Variants in WWOX observed in about 807,000 individuals in gnomAD.
WWOX encodes WW domain-containing oxidoreductase.
A neutral mutation model predicts 46.2 loss-of-function variants in WWOX; 69 were observed. That is an observed-to-expected ratio of 1.49 (90% confidence interval 1.23 to 1.82). The LOEUF (loss-of-function observed/expected upper bound fraction) is 1.82, where lower values mean the gene tolerates loss of function less well. Among genes scored for constraint, WWOX ranks in the 40% most tolerant of loss-of-function variants. The pLI is 0.00. For missense variants in WWOX, 919 were observed against 542.6 expected (o/e 1.69, Z -6.89); for synonymous variants, 359 against 202.6 (o/e 1.77, Z -6.56).
chr16:78,840,376 C>T (rs146015360), intron 8 of WWOX, among the ~76,000 whole-genome samples: 73 of 152,232 alleles, frequency 4.8e-4, no homozygotes, highest in African/African-American at 1.7e-3. Flanking sequence ...GGCCACTGTA[C>T]GTCTGTGGTT....
chr16:78,621,855 T>C (rs1051477064), intron 8 of WWOX, among the ~76,000 whole-genome samples: 2 of 152,066 alleles, frequency 1.3e-5, no homozygotes, highest in African/African-American at 4.8e-5. Flanking sequence ...TCTGCCTACC[T>C]TAGCCTCCCA....
intron 8 of WWOX, among the ~76,000 whole-genome samples, chr16:79,096,850 T>C (rs2049084775): frequency 6.6e-6 from 1 of 151,922 alleles, no homozygotes; most frequent in Non-Finnish European, 1.5e-5. Context: ...AAGAAGGAGC[T>C]TGAAGCCGAG....
chr16:78,138,291 G>C (rs1022117426), intron 4 of WWOX, among the ~76,000 whole-genome samples: 1 of 150,780 alleles, frequency 6.6e-6, no homozygotes, highest in Non-Finnish European at 1.5e-5. Context: ...TTATTTCTCA[G>C]ATTAAGAGCC....
At chr16:78,630,072 T>G (rs2151657441) in intron 8 of WWOX, among the ~76,000 whole-genome samples, 1 of 152,282 alleles carries the variant, frequency 6.6e-6, no homozygotes, top group Middle Eastern at 3.4e-3. Context: ...GGGCAGGGAT[T>G]TTAGTCTATT....
chr16:78,913,238 G>T (rs1597141900), intron 8 of WWOX, among the ~76,000 whole-genome samples: 2 of 151,898 alleles, frequency 1.3e-5, no homozygotes, highest in African/African-American at 4.8e-5. Flanking sequence ...TTACAAGTTT[G>T]CCTAGTGCTT....
chr16:78,946,832 C>G (rs1479290498), intron 8 of WWOX, among the ~76,000 whole-genome samples: 2 of 152,068 alleles, frequency 1.3e-5, no homozygotes, highest in African/African-American at 4.8e-5. Flanking sequence ...GTAGCAAGGA[C>G]AAGAGGGCGT....
chr16:79,185,185 T>C (rs2050988510), intron 8 of WWOX, among the ~76,000 whole-genome samples: 2 of 152,188 alleles, frequency 1.3e-5, no homozygotes, highest in Non-Finnish European at 2.9e-5. Context: ...GTTTTTCTTT[T>C]CTCCTAGTTT....
rs1188729202 is a variant in WWOX, at chr16:78,245,914, A to G, written c.516+81625A>G. On this transcript the variant is annotated intron_variant, in intron 5 of 8. Transcript: ENST00000566780. ...CTCCATTCCAGAAAGGAGAACAAAG[A>G]GGGGGAATTCTAACCCTCTTGCCAC... 3.3e-5 allele frequency among the ~76,000 whole-genome samples: 5 copies of G among 152,190 alleles called. No individual in the cohort carries two copies. In the East Asian group the frequency reaches 7.7e-4, roughly 23 times the overall value.
At chr16:78,483,279 C>A (rs2084541914) in intron 8 of WWOX, among the ~76,000 whole-genome samples, 1 of 152,114 alleles carries the variant, frequency 6.6e-6, no homozygotes, top group African/African-American at 2.4e-5. Context: ...AAGAAAGTTG[C>A]ATGTCACTTT....
chr16:78,240,712 A>G, intron 5 of WWOX, among the ~76,000 whole-genome samples: 1 of 152,118 alleles, frequency 6.6e-6, no homozygotes, highest in African/African-American at 2.4e-5. Context: ...GTCTCGTGTT[A>G]TGCATTTGCT....
At chr16:79,110,734 G>A (rs1039642707) in intron 8 of WWOX, 1 of 152,342 alleles carries the variant, frequency 6.6e-6, no homozygotes, top group African/African-American at 2.4e-5. Context: ...AATATGGGAT[G>A]TTTTGCTTCG....
intron 8 of WWOX, among the ~76,000 whole-genome samples, chr16:79,180,233 C>G (rs556118605): frequency 3.3e-5 from 5 of 152,120 alleles, no homozygotes; most frequent in Non-Finnish European, 7.4e-5. Context: ...AATTTATAGG[C>G]TGACATTTTC....
rs747028973 is a variant in WWOX, at chr16:78,340,470, A to G, written c.517-46390A>G. Among the ~76,000 whole-genome samples the G allele has an allele frequency of 1.0e-4, 12 of 120,246 alleles. 4 individuals are homozygous for G. Among genetic ancestry groups the G allele is most frequent in the Non-Finnish European group, 1.8e-4 (9 of 50,326 alleles). The allele number at this position is 120,246 out of a possible 152,430, so 78.9% of individuals were successfully genotyped here. On this transcript the variant is annotated intron_variant, in intron 5 of 8. Transcript: ENST00000566780. The stretch of plus-strand genomic sequence containing the variant: ...GTGATCTGCCCATCTCAGCCTCCCA[A>G]TGTGCTAGGATTACAGGCATGAACC...
chr16:78,354,422 C>A (rs1396967307), intron 5 of WWOX, among the ~76,000 whole-genome samples: 1 of 147,832 alleles, frequency 6.8e-6, no homozygotes, highest in Non-Finnish European at 1.5e-5. Flanking sequence ...TTAATTAATG[C>A]CAATGAAGCC....
At chr16:78,485,605 C>T (rs1216249905) in intron 8 of WWOX, among the ~76,000 whole-genome samples, 3 of 152,172 alleles carry the variant, frequency 2.0e-5, no homozygotes, top group African/African-American at 7.2e-5. Context: ...TGTCTCACAG[C>T]ACGCATTTGT....
chr16:78,355,236 C>CTG (rs36043809), intron 5 of WWOX, among the ~76,000 whole-genome samples: 22,947 of 151,518 alleles, frequency 0.15, 2,278 homozygotes, highest in East Asian at 0.36. Flanking sequence ...GTCATTGCTC[C>CTG]TGTGTGTGTG....
At chr16:78,224,678 G>A (rs897217176) in intron 5 of WWOX, among the ~76,000 whole-genome samples, 1 of 152,162 alleles carries the variant, frequency 6.6e-6, no homozygotes, top group Non-Finnish European at 1.5e-5. Context: ...GCTTGGAAGT[G>A]CTGGTTCCAA....
chr16:78,637,057 A>G (rs7196183), intron 8 of WWOX, among the ~76,000 whole-genome samples: 43,595 of 152,112 alleles, frequency 0.29, 6,459 homozygotes, highest in African/African-American at 0.35. Flanking sequence ...GCAGCACACC[A>G]AGGAATGTGG....
chr16:78,211,368 A>G (rs1030676033), intron 5 of WWOX, among the ~76,000 whole-genome samples: 1 of 152,136 alleles, frequency 6.6e-6, no homozygotes, highest in African/African-American at 2.4e-5. Flanking sequence ...TTGTACATCA[A>G]ATACATGCTG....
Sources: allele counts gnomAD v4.1 joint callset (sites outside exome capture counted in the v4.1 genomes callset), GRCh38; gene constraint gnomAD v4.1.1; transcripts MANE v1.5; gene names NCBI Gene and HGNC (gene_info 2026-07-23, HGNC 2026-07-21).